The following ZNF670 variants were observed in gnomAD, a reference collection of about 807,000 sequenced individuals.
The protein encoded by ZNF670 is zinc finger protein 670.
ZNF670 carries 7 observed loss-of-function variants against 10.9 expected under a neutral mutation model. The ratio of observed to expected loss-of-function variants is 0.64; its 90% CI spans 0.36 to 1.20. The LOEUF (loss-of-function observed/expected upper bound fraction) is 1.20. Among genes scored for constraint, ZNF670 ranks in the 50% most tolerant of loss-of-function variants. The pLI is 0.02. For synonymous variants in ZNF670, 136 were observed against 152.7 expected (o/e 0.89, Z 0.81); for missense variants, 446 against 458.6 (o/e 0.97, Z 0.25).
intron 1 of ZNF670, among the ~76,000 whole-genome samples, chr1:247,066,122 A>C (rs981615020): frequency 3.9e-5 from 6 of 152,262 alleles, no homozygotes; most frequent in African/African-American, 9.6e-5. Flanking sequence ...AGACACAGTC[A>C]GGACGATCTT....
In ZNF670 at chr1:247,039,395, GTGT is replaced by G; in HGVS notation, c.130+13_130+15del. On this transcript the variant is annotated intron_variant, in intron 2 of 3. Coordinates refer to ENST00000366503, the MANE Select transcript of ZNF670 (RefSeq NM_033213.5). ...GCGTTGTAATCAACTACGTGAATAA[GTGT>G]TGTTATTCTTACCTACAGAAGCCAG... 3 of 1,602,950 alleles carry G rather than the reference GTGT, an allele frequency of 1.9e-6. No homozygotes were observed. Among genetic ancestry groups the G allele is most frequent in the Non-Finnish European group, 2.6e-6 (3 of 1,175,772 alleles).
At chr1:247,042,561 G>C (rs1349395766) in intron 1 of ZNF670, among the ~76,000 whole-genome samples, 1 of 152,184 alleles carries the variant, frequency 6.6e-6, no homozygotes, top group Admixed American at 6.5e-5. Flanking sequence ...TCAGTTTCAA[G>C]GGAAAAGATT....
chr1:247,039,555 T>C lies in ZNF670; in HGVS notation c.4-18A>G. On this transcript the variant is annotated intron_variant, in intron 1 of 3. Coordinates refer to ENST00000366503, the MANE Select transcript of ZNF670 (RefSeq NM_033213.5). Reference sequence around the variant, plus strand: ...ACTGAATCCTAGAATATCGCACATATGTGGAGAGGAGGATGGCTTAGACAG... The same window carrying C: ...ACTGAATCCTAGAATATCGCACATACGTGGAGAGGAGGATGGCTTAGACAG... The C allele has an allele frequency of 1.3e-6, 2 of 1,555,030 alleles. No individual in the cohort carries two copies. The highest frequency in any genetic ancestry group is 1.7e-6 in the Non-Finnish European group (2 of 1,155,666).
At chr1:247,043,853 C>T (rs12123948) in intron 1 of ZNF670, 28,106 of 333,212 alleles carry the variant, frequency 0.084, 1,481 homozygotes, top group South Asian at 0.15. Context: ...GATGCCATTT[C>T]CACTAATGAA....
Position 247,054,072 on chromosome 1 carries a change from G to A in ZNF670, c.4-14535C>T, listed in dbSNP as rs141692530. Among the ~76,000 whole-genome samples the A allele has an allele frequency of 1.1e-4, 16 of 152,318 alleles. 1 individual carries two copies. Among genetic ancestry groups the A allele is most frequent in the African/African-American group, 3.4e-4 (14 of 41,560 alleles). On this transcript the variant is annotated intron_variant, in intron 1 of 3. Coordinates refer to ENST00000366503, the MANE Select transcript of ZNF670 (RefSeq NM_033213.5). The stretch of plus-strand genomic sequence containing the variant: ...GTGCCACTTTGCATTGGAATGTAGT[G>A]CTGCCAACACCAGGCAGAACTCAGC...
chr1:247,074,474 C>T (rs1019369323), intron 1 of ZNF670, among the ~76,000 whole-genome samples: 6 of 152,126 alleles, frequency 3.9e-5, no homozygotes, highest in African/African-American at 1.4e-4. Context: ...ATGCTTGCCA[C>T]TGTTATACCC....
Position 247,078,765 on chromosome 1 carries a change from G to C in ZNF670, c.-169C>G. On this transcript the variant is annotated 5_prime_UTR_variant, in exon 1 of 4. Transcript: ENST00000366503. ...TCGCGCTGCCCAACACAAAAGCCGC[G>C]CCAGGTCCCGGAAGCTGCTCCCTCC... 1 of 685,226 alleles carries C rather than the reference G, an allele frequency of 1.5e-6. No individual in the cohort carries two copies. Among genetic ancestry groups the C allele is most frequent in the South Asian group, 1.9e-5 (1 of 51,326 alleles). 42.4% of individuals were successfully genotyped at this position (685,226 alleles called of 1,614,324 possible).
chr1:247,043,375 A>G (rs1670364633), intron 1 of ZNF670: 1 of 538,576 alleles, frequency 1.9e-6, no homozygotes, highest in East Asian at 4.6e-5. Context: ...AAGCATGGTC[A>G]AGATGTTAAA....
rs141961725 is a variant in ZNF670 at position 247,041,821 on chromosome 1, G to T, written c.4-2284C>A. Among the ~76,000 whole-genome samples, 5 of 152,266 alleles carry T rather than the reference G, an allele frequency of 3.3e-5. No homozygotes were observed. The East Asian group carries it at 9.6e-4, about 29-fold the overall frequency. ...GCATGTGTGAAACATACTGACACAA[G>T]GAAATCACCAATAAACCTTTTTGTT... On this transcript the variant is annotated intron_variant, in intron 1 of 3. Coordinates refer to ENST00000366503, the MANE Select transcript of ZNF670 (RefSeq NM_033213.5).
intron 1 of ZNF670, among the ~76,000 whole-genome samples, chr1:247,055,275 T>C (rs375414042): frequency 2.6e-5 from 4 of 152,346 alleles, no homozygotes; most frequent in African/African-American, 9.6e-5. Context: ...TTAGACACAC[T>C]TTGTGTGAGC....
At chr1:247,066,530 T>C (rs527782854) in intron 1 of ZNF670, among the ~76,000 whole-genome samples, 143 of 152,294 alleles carry the variant, frequency 9.4e-4, no homozygotes, top group African/African-American at 3.3e-3. Context: ...AAACTTGCCA[T>C]AGTCCTCCAA....
rs569263204 is a variant in ZNF670, at chr1:247,063,546, G to A, written c.3+15048C>T. On this transcript the variant is annotated intron_variant, in intron 1 of 3. Transcript: ENST00000366503. ...TGCAGTGAGCCGAGATCGTGCCACT[G>A]CACTCCAGCCTGGGCGACAGAGCGA... is the stretch of plus-strand genomic sequence containing the variant. Among the ~76,000 whole-genome samples, 1,280 of 140,342 alleles carry A rather than the reference G, an allele frequency of 9.1e-3. 13 individuals carry two copies. The highest frequency in any genetic ancestry group is 0.014 in the Non-Finnish European group (960 of 66,546). The allele number at this position is 140,342 out of a possible 152,430, so 92.1% of individuals were successfully genotyped here.
intron 1 of ZNF670, among the ~76,000 whole-genome samples, chr1:247,072,705 T>G (rs1671147075): frequency 6.7e-6 from 1 of 149,872 alleles, no homozygotes; most frequent in South Asian, 2.1e-4. Flanking sequence ...GAGAATTGCT[T>G]GAACCTGGGA....
At chr1:247,065,114 T>C (rs1052699818) in intron 1 of ZNF670, among the ~76,000 whole-genome samples, 2 of 152,260 alleles carry the variant, frequency 1.3e-5, no homozygotes, top group Middle Eastern at 3.4e-3. Context: ...GGCCGGTCTA[T>C]GCATGTTCAA....
chr1:247,044,005 G>A (rs1670380490), intron 1 of ZNF670: 3 of 197,930 alleles, frequency 1.5e-5, no homozygotes, highest in Non-Finnish European at 3.1e-5. Flanking sequence ...CTTAAGAAGA[G>A]TGATTTACAA....
intron 2 of ZNF670, among the ~76,000 whole-genome samples, chr1:247,039,085 T>C (rs1450764769): frequency 3.8e-5 from 5 of 132,974 alleles, no homozygotes; most frequent in East Asian, 4.0e-4. Flanking sequence ...TTGAGACAGA[T>C]TGTTTCTTCG....
chr1:247,043,377 G>T (rs1284605386), intron 1 of ZNF670: 2 of 538,992 alleles, frequency 3.7e-6, no homozygotes, highest in African/African-American at 1.9e-5. Flanking sequence ...GCATGGTCAA[G>T]ATGTTAAAAA....
At chr1:247,060,500 G>C (rs923395725) in intron 1 of ZNF670, among the ~76,000 whole-genome samples, 1 of 152,214 alleles carries the variant, frequency 6.6e-6, no homozygotes, top group Non-Finnish European at 1.5e-5. Flanking sequence ...AGAAAATTTA[G>C]AACTTCTGGA....
chr1:247,039,684 G>A, intron 1 of ZNF670, 147 bp from the exon 2 acceptor site: 1 of 851,212 alleles, frequency 1.2e-6, no homozygotes, highest in South Asian at 3.3e-5. Flanking sequence ...CTCTCTGTCT[G>A]CACTTACTGC....
Sources: allele counts gnomAD v4.1 joint callset (sites outside exome capture counted in the v4.1 genomes callset), GRCh38; gene constraint gnomAD v4.1.1; transcripts MANE v1.5; gene names NCBI Gene and HGNC (gene_info 2026-07-23, HGNC 2026-07-21).